The following SPMIP2 variants were observed in gnomAD, a reference collection of about 807,000 sequenced individuals.
SPMIP2 encodes sperm microtubule inner protein 2.
the SPMIP2 span, among the ~76,000 whole-genome samples, chr4:159,067,557 A>C: frequency 2.6e-5 from 4 of 152,212 alleles, no homozygotes; most frequent in African/African-American, 7.2e-5. Context: ...ATAAATGACA[A>C]ACAAAAGTAA....
At chr4:158,905,726 T>C in the SPMIP2 span, 1 of 151,644 alleles carries the variant, frequency 6.6e-6, no homozygotes, top group Non-Finnish European at 1.5e-5. Context: ...TAATTTTCTG[T>C]TAATATAAAA....
At chr4:159,040,187 T>G in the SPMIP2 span, among the ~76,000 whole-genome samples, 1 of 152,142 alleles carries the variant, frequency 6.6e-6, no homozygotes, top group African/African-American at 2.4e-5. Context: ...TTTTTTCTTT[T>G]TTGGGACGGA....
the SPMIP2 span, among the ~76,000 whole-genome samples, chr4:158,936,541 C>A: frequency 4.6e-5 from 7 of 152,194 alleles, no homozygotes. Context: ...CTTTCCATTT[C>A]CAAAAGTACT....
At chr4:159,020,011 T>A in the SPMIP2 span, among the ~76,000 whole-genome samples, 48 of 152,050 alleles carry the variant, frequency 3.2e-4, 1 homozygote, top group Middle Eastern at 3.4e-3. Flanking sequence ...CCCCAGCTAC[T>A]CAGGAGGCTG....
chr4:159,000,126 T>A, the SPMIP2 span, among the ~76,000 whole-genome samples: 4 of 152,208 alleles, frequency 2.6e-5, no homozygotes, highest in African/African-American at 4.8e-5. Flanking sequence ...TGTACACACA[T>A]GAACAGGGTT....
the SPMIP2 span, among the ~76,000 whole-genome samples, chr4:158,946,618 G>C: frequency 6.6e-6 from 1 of 152,150 alleles, no homozygotes; most frequent in East Asian, 1.9e-4. Context: ...CAGCCATGCA[G>C]AACTGTGCAC....
At chr4:158,996,156 G>T in the SPMIP2 span, among the ~76,000 whole-genome samples, 3 of 152,150 alleles carry the variant, frequency 2.0e-5, no homozygotes, top group Non-Finnish European at 4.4e-5. Flanking sequence ...CATTAAATTT[G>T]CTGATGTAAT....
At chr4:158,906,999 C>T in the SPMIP2 span, 1 of 152,186 alleles carries the variant, frequency 6.6e-6, no homozygotes, top group Admixed American at 6.5e-5. Context: ...CAGGATTCCA[C>T]CTTTAGGGTT....
the SPMIP2 span, among the ~76,000 whole-genome samples, chr4:158,923,844 G>GT: frequency 3.9e-3 from 585 of 150,986 alleles, 3 homozygotes; most frequent in Admixed American, 9.1e-3. Flanking sequence ...ATTCTCTGTG[G>GT]TTTTTTTTTA....
chr4:159,078,100 A>AT, the SPMIP2 span, among the ~76,000 whole-genome samples: 4 of 152,128 alleles, frequency 2.6e-5, no homozygotes, highest in South Asian at 4.1e-4. Flanking sequence ...CTTTGATTTT[A>AT]TTTTTTTGAT....
chr4:159,023,227 CG>C, the SPMIP2 span, among the ~76,000 whole-genome samples: 3 of 152,070 alleles, frequency 2.0e-5, no homozygotes, highest in East Asian at 5.8e-4. Flanking sequence ...GACAGAAGAC[CG>C]TCTCACCCAT....
chr4:158,966,556 T>C, the SPMIP2 span, among the ~76,000 whole-genome samples: 1 of 152,234 alleles, frequency 6.6e-6, no homozygotes, highest in Non-Finnish European at 1.5e-5. Flanking sequence ...ATAGCATCTC[T>C]TCTTAGCCTT....
chr4:159,021,653 TTCTATC>T, the SPMIP2 span, among the ~76,000 whole-genome samples: 931 of 152,354 alleles, frequency 6.1e-3, 1 homozygote, highest in Non-Finnish European at 9.0e-3. Context: ...AAATCCTGAT[TTCTATC>T]TCTATCTTCT....
chr4:159,011,984 A>G, the SPMIP2 span, among the ~76,000 whole-genome samples: 3 of 151,872 alleles, frequency 2.0e-5, no homozygotes. Context: ...TGAACCCAGA[A>G]GGCAGAGGTT....
At chr4:158,955,293 T>C in the SPMIP2 span, among the ~76,000 whole-genome samples, 1 of 152,238 alleles carries the variant, frequency 6.6e-6, no homozygotes, top group Non-Finnish European at 1.5e-5. Flanking sequence ...AAGGACTCTG[T>C]GTACAAATTT....
chr4:158,991,689 T>C, the SPMIP2 span, among the ~76,000 whole-genome samples: 11 of 152,182 alleles, frequency 7.2e-5, no homozygotes, highest in African/African-American at 2.7e-4. Flanking sequence ...TGATAAAGCA[T>C]AGAATTGTCA....
the SPMIP2 span, among the ~76,000 whole-genome samples, chr4:158,971,695 A>T: frequency 1.3e-5 from 2 of 152,330 alleles, no homozygotes; most frequent in South Asian, 4.1e-4. Context: ...CATGCTAGTT[A>T]CTGCTTCTAG....
At chr4:158,912,413 T>A in the SPMIP2 span, among the ~76,000 whole-genome samples, 1 of 152,220 alleles carries the variant, frequency 6.6e-6, no homozygotes, top group Non-Finnish European at 1.5e-5. Flanking sequence ...TATGATACTG[T>A]CTATAGGTTT....
the SPMIP2 span, among the ~76,000 whole-genome samples, chr4:159,042,014 C>A: frequency 6.6e-6 from 1 of 152,166 alleles, no homozygotes; most frequent in African/African-American, 2.4e-5. Context: ...TGATCTTCAA[C>A]AAACATGTTT....
Sources: gnomAD v4.1 joint callset for allele counts (sites outside exome capture counted in the v4.1 genomes callset) on GRCh38, gnomAD v4.1.1 for gene constraint, MANE v1.5 for transcripts, NCBI Gene and HGNC (gene_info 2026-07-23, HGNC 2026-07-21) for gene names.